SMARCA4: variants seen among roughly 807,000 people sequenced by gnomAD.
The protein encoded by SMARCA4 is SWI/SNF related BAF chromatin remodeling complex subunit ATPase 4, also known as SWI/SNF-related matrix-associated actin-dependent regulator of chromatin subfamily A member 4.
A neutral mutation model predicts 193.9 loss-of-function variants in SMARCA4; 31 were observed. That is an observed-to-expected ratio of 0.16 (90% CI 0.12 to 0.22). The LOEUF is 0.22. Ranked by LOEUF, SMARCA4 falls within the 10% of genes least tolerant of loss-of-function variation. SMARCA4 has a pLI of 1.00. For missense variants in SMARCA4, 1,148 were observed against 2,296.0 expected (o/e 0.50, Z 10.22); for synonymous variants, 942 against 933.1 (o/e 1.01, Z -0.17).
At chr19:11,009,357 T>A (rs937506173) in intron 14 of SMARCA4, among the ~76,000 whole-genome samples, 8 of 152,074 alleles carry the variant, frequency 5.3e-5, no homozygotes, top group African/African-American at 1.7e-4. Context: ...CAGATTAGAT[T>A]ACAAATTGCC....
chr19:11,029,170 C>A (rs1220196188), intron 24 of SMARCA4, among the ~76,000 whole-genome samples: 2 of 152,210 alleles, frequency 1.3e-5, no homozygotes, highest in African/African-American at 4.8e-5. Flanking sequence ...AAACCAAAAT[C>A]CTTCAGGGTC....
chr19:10,988,129 T>C (rs2086230310), intron 6 of SMARCA4, among the ~76,000 whole-genome samples: 1 of 152,030 alleles, frequency 6.6e-6, no homozygotes, highest in African/African-American at 2.4e-5. Flanking sequence ...TCTCTCTTTT[T>C]TTTTTTTTGA....
chr19:11,017,416 G>A (rs557289083), intron 16 of SMARCA4, among the ~76,000 whole-genome samples: 4 of 152,342 alleles, frequency 2.6e-5, no homozygotes, highest in African/African-American at 7.2e-5. Context: ...TTCCCACTGC[G>A]CCCCACCTGG....
Position 11,053,133 on chromosome 19 carries a change from G to T in SMARCA4, c.4425-5122G>T, listed in dbSNP as rs1018621068. Reference sequence around the variant, plus strand: ...CTGCACTTGGAGGCTGGGCACGGTGGCTCACGCCTGTAATTCCAGCACTTT... The same window carrying T: ...CTGCACTTGGAGGCTGGGCACGGTGTCTCACGCCTGTAATTCCAGCACTTT... On this transcript the variant is annotated intron_variant, in intron 30 of 34. Coordinates refer to ENST00000344626, the MANE Select transcript of SMARCA4 (RefSeq NM_003072.5). 3.3e-5 allele frequency among the ~76,000 whole-genome samples: 5 copies of T among 152,158 alleles called. No individual in the cohort carries two copies. In the East Asian group the frequency reaches 9.6e-4, roughly 29 times the overall value.
Position 11,020,424 on chromosome 19 carries a change from T to G in SMARCA4, c.2616+723T>G, listed in dbSNP as rs2089762067. The stretch of plus-strand genomic sequence containing the variant: ...AGTTTTTTGCGTTTTGGTTTTTTTT[T>G]TTTTGAGACCGAGTCTCGCTCTGTT... On this transcript the variant is annotated intron_variant, in intron 18 of 34. Transcript: ENST00000344626. Among the ~76,000 whole-genome samples the G allele has an allele frequency of 2.0e-5, 3 of 151,944 alleles. No individual in the cohort carries two copies. The South Asian group carries it at 6.3e-4, about 32-fold the overall frequency.
At chr19:11,050,607 T>G (rs764423231) in intron 30 of SMARCA4, among the ~76,000 whole-genome samples, 2 of 152,226 alleles carry the variant, frequency 1.3e-5, no homozygotes, top group Non-Finnish European at 2.9e-5. Flanking sequence ...GTCTGCACTG[T>G]TTCCCTGCCT....
In SMARCA4 at chr19:11,024,320, G is replaced by C. The variant is rs901539613; in HGVS notation, c.2974-11G>C. 5.6e-6 allele frequency: 9 copies of C among 1,595,870 alleles called. No homozygotes were observed. The highest frequency in any genetic ancestry group is 7.7e-6 in the Non-Finnish European group (9 of 1,164,268). Reference sequence around the variant, plus strand: ...CCTTGGGCCCTCGTGAGCATTATGTGTCCCCTGCAGGTGGAGTACGTCATC... The same window carrying C: ...CCTTGGGCCCTCGTGAGCATTATGTCTCCCCTGCAGGTGGAGTACGTCATC... On this transcript the variant is annotated splice_polypyrimidine_tract_variant and intron_variant, in intron 20 of 34. Coordinates refer to ENST00000344626, the MANE Select transcript of SMARCA4 (RefSeq NM_003072.5).
intron 34 of SMARCA4, among the ~76,000 whole-genome samples, chr19:11,061,202 A>T (rs375982361): frequency 0.018 from 1,085 of 60,946 alleles, 7 homozygotes; most frequent in Non-Finnish European, 0.024. Context: ...AAAAAAAAAA[A>T]AAATATATAT....
chr19:11,052,780 A>C (rs1159220900), intron 30 of SMARCA4, among the ~76,000 whole-genome samples: 1 of 152,270 alleles, frequency 6.6e-6, no homozygotes, highest in African/African-American at 2.4e-5. Flanking sequence ...CCCTGCACTC[A>C]GGACCGACTG....
At position 11,030,708 on chromosome 19, in the gene SMARCA4, T is replaced by G. The variant is rs368028126; in HGVS notation, c.3383-22T>G. The stretch of plus-strand genomic sequence containing the variant: ...ACCCCTGAGGTCACCCCGCTGACCC[T>G]GTTCTCCTCTGTGCCCGTCAGGAAC... On this transcript the variant is annotated intron_variant, in intron 24 of 34. Transcript: ENST00000344626. This position sits in a 1 kb window ranked among gnomAD's most constrained non-coding sequence, Gnocchi z 5.5. 6 of 1,607,598 alleles carry G rather than the reference T, an allele frequency of 3.7e-6. No individual in the cohort carries two copies. The African/African-American group carries it at 8.0e-5, about 21-fold the overall frequency.
rs2089896271 is a variant in SMARCA4 at position 11,021,825 on chromosome 19, G to C, written c.2717G>C (p.Arg906Pro). 1 of 1,613,602 alleles carries C rather than the reference G, an allele frequency of 6.2e-7. No individual in the cohort carries two copies. The highest frequency in any genetic ancestry group is 8.5e-7 in the Non-Finnish European group (1 of 1,180,022). The change falls in exon 19 of 35, where the codon CGC (arginine) becomes CCC (proline). Residue 906 changes from arginine (R) to proline (P), a missense_variant. This residue lies in a region of SMARCA4 where 74 missense variants were observed against 392.3 expected (regional missense o/e 0.19). Coordinates refer to ENST00000344626, the MANE Select transcript of SMARCA4 (RefSeq NM_003072.5). ...VLNTHYVAPRRLLLTGTPLQN... is the reference protein window; with the variant it reads ...VLNTHYVAPRPLLLTGTPLQN... ...AACACGCACTATGTGGCACCCCGCC[G>C]CCTGCTGCTGACGGGCACACCGCTG...
intron 16 of SMARCA4, 36 bp downstream of exon 16, chr19:11,013,148 C>A: frequency 6.2e-7 from 1 of 1,608,520 alleles, no homozygotes; most frequent in Non-Finnish European, 8.5e-7. Flanking sequence ...CCACACGCCG[C>A]TCACACGCTC....
intron 30 of SMARCA4, among the ~76,000 whole-genome samples, chr19:11,055,775 A>G (rs1296288142): frequency 1.3e-5 from 2 of 151,590 alleles, no homozygotes; most frequent in African/African-American, 4.9e-5. Flanking sequence ...CCCCAGTCAA[A>G]TAGAAATGGG....
intron 13 of SMARCA4, among the ~76,000 whole-genome samples, chr19:11,004,011 T>C (rs1280239666): frequency 1.3e-5 from 2 of 151,584 alleles, no homozygotes; most frequent in African/African-American, 4.8e-5. Context: ...CACGTCCGAC[T>C]TATGATTTTT....
chr19:11,005,549 G>A (rs779985794), intron 13 of SMARCA4, among the ~76,000 whole-genome samples: 4 of 152,138 alleles, frequency 2.6e-5, no homozygotes, highest in South Asian at 2.1e-4. Context: ...GTCCTTTGGC[G>A]TCTCTTTGCA....
intron 30 of SMARCA4, among the ~76,000 whole-genome samples, chr19:11,054,077 G>A (rs1192546746): frequency 6.6e-6 from 1 of 152,218 alleles, no homozygotes; most frequent in Non-Finnish European, 1.5e-5. Context: ...ACAAGGAAAC[G>A]TGTTTAGGGC....
At chr19:11,060,489 C>G in intron 34 of SMARCA4, 6 of 510,946 alleles carry the variant, frequency 1.2e-5, no homozygotes, top group South Asian at 4.2e-5. Context: ...GGCTCCTGGG[C>G]TGAGGCCGGG....
At chr19:11,015,960 A>G (rs1030727966) in intron 16 of SMARCA4, 1 of 152,140 alleles carries the variant, frequency 6.6e-6, no homozygotes, top group African/African-American at 2.4e-5. Context: ...GCAGTGAGCC[A>G]ATATCGTGCC....
intron 1 of SMARCA4, among the ~76,000 whole-genome samples, chr19:10,963,678 G>A (rs1464526689): frequency 1.3e-5 from 2 of 152,088 alleles, no homozygotes; most frequent in Non-Finnish European, 2.9e-5. Context: ...GAGGATGCCC[G>A]AAACTTCACA....
Sources: gnomAD v4.1 joint callset for allele counts (sites outside exome capture counted in the v4.1 genomes callset) on GRCh38, gnomAD v4.1.1 for gene constraint, gnomAD v4.1.1 regional missense constraint, Gnocchi (gnomAD v3.1) non-coding constraint, MANE v1.5 for transcripts, NCBI Gene and HGNC (gene_info 2026-07-23, HGNC 2026-07-21) for gene names.